The following ARHGEF38 variants were observed in gnomAD, a reference collection of about 807,000 sequenced individuals.
ARHGEF38 encodes Rho guanine nucleotide exchange factor 38.
In ARHGEF38, 79 loss-of-function variants were observed where a neutral mutation model predicts 79.9. The observed-to-expected ratio is 0.99, with a 90% CI of 0.82 to 1.19. The LOEUF is 1.19. Among genes scored for constraint, ARHGEF38 ranks in the 50% most tolerant of loss-of-function variants. The pLI, the probability that ARHGEF38 is intolerant of heterozygous loss-of-function variation, is 0.00. For missense variants in ARHGEF38, 962 were observed against 907.2 expected, an observed-to-expected ratio of 1.06 and a Z score of -0.78; for synonymous variants, 366 against 328.3, an observed-to-expected ratio of 1.11 and a Z score of -1.24.
chr4:105,650,049 C>T (rs1485032602), intron 7 of ARHGEF38, among the ~76,000 whole-genome samples: 3 of 152,202 alleles, frequency 2.0e-5, no homozygotes, highest in African/African-American at 7.2e-5. Flanking sequence ...AAACACCTAA[C>T]ATAGTGTGTA....
In ARHGEF38 at chr4:105,588,355, G is replaced by C. The variant is rs192649918; in HGVS notation, c.197-893G>C. On this transcript the variant is annotated intron_variant, in intron 1 of 13. Coordinates refer to ENST00000420470, the MANE Select transcript of ARHGEF38 (RefSeq NM_001242729.2). ...CTGCAGAGACTAAGATGAAAATTAA[G>C]CTTCAAGCTTGAAGCAAATCCATTT... Among the ~76,000 whole-genome samples the C allele has an allele frequency of 9.2e-5, 14 of 152,304 alleles. No individual in the cohort carries two copies. In the East Asian group the frequency reaches 2.7e-3, roughly 29 times the overall value.
intron 1 of ARHGEF38, among the ~76,000 whole-genome samples, chr4:105,576,497 A>C (rs1270246163): frequency 6.6e-6 from 1 of 151,000 alleles, no homozygotes; most frequent in Non-Finnish European, 1.5e-5. Flanking sequence ...AGCAAGCAGC[A>C]CTGCTGATTT....
At chr4:105,649,448 A>G (rs1193524903) in intron 7 of ARHGEF38, among the ~76,000 whole-genome samples, 1 of 152,232 alleles carries the variant, frequency 6.6e-6, no homozygotes, top group Non-Finnish European at 1.5e-5. Context: ...CAATGATTTT[A>G]AAGTAAGTTA....
intron 2 of ARHGEF38, among the ~76,000 whole-genome samples, chr4:105,598,626 A>G (rs1275984398): frequency 6.6e-6 from 1 of 152,162 alleles, no homozygotes; most frequent in Non-Finnish European, 1.5e-5. Context: ...AGAATAAGAT[A>G]CATTACAACA....
At chr4:105,644,172 A>T (rs1209216663) in intron 5 of ARHGEF38, among the ~76,000 whole-genome samples, 1 of 151,726 alleles carries the variant, frequency 6.6e-6, no homozygotes, top group East Asian at 1.9e-4. Flanking sequence ...CTGGCCCCCG[A>T]CCCTTTCTAA....
chr4:105,579,166 T>C (rs1726654344), intron 1 of ARHGEF38, among the ~76,000 whole-genome samples: 1 of 152,228 alleles, frequency 6.6e-6, no homozygotes, highest in Non-Finnish European at 1.5e-5. Flanking sequence ...GTTTCCTAGA[T>C]ATGGAATTAT....
chr4:105,572,827 A>G (rs762418936), intron 1 of ARHGEF38, among the ~76,000 whole-genome samples: 10 of 152,178 alleles, frequency 6.6e-5, no homozygotes, highest in Non-Finnish European at 1.3e-4. Context: ...TTAGCTATTG[A>G]GAATAATGCA....
chr4:105,656,530 A>G (rs1443858356), intron 9 of ARHGEF38, among the ~76,000 whole-genome samples: 1 of 152,192 alleles, frequency 6.6e-6, no homozygotes, highest in Non-Finnish European at 1.5e-5. Flanking sequence ...AACATGCTTG[A>G]GCCAATAACA....
At chr4:105,639,600 GTTAA>G (rs1729538528) in intron 5 of ARHGEF38, among the ~76,000 whole-genome samples, 1 of 151,870 alleles carries the variant, frequency 6.6e-6, no homozygotes. Context: ...TTTATGGCTA[GTTAA>G]TTCTCATAAC....
At chr4:105,673,106 A>G (rs1731008859) in intron 13 of ARHGEF38, among the ~76,000 whole-genome samples, 1 of 152,198 alleles carries the variant, frequency 6.6e-6, no homozygotes, top group Non-Finnish European at 1.5e-5. Flanking sequence ...GCACCTCTGC[A>G]GAATCTCTTT....
At position 105,680,014 on chromosome 4, in the gene ARHGEF38, G is replaced by A. The variant is rs1219828752; in HGVS notation, c.*2077G>A. ...TGCATTCTGTTTTGTGCGGATTCAT[G>A]GCCATGTCAGTTACATTCTTCTTCG... On this transcript the variant is annotated 3_prime_UTR_variant, in exon 14 of 14. Coordinates refer to ENST00000420470, the MANE Select transcript of ARHGEF38 (RefSeq NM_001242729.2). 2.0e-6 allele frequency: 2 copies of A among 1,014,844 alleles called. No individual in the cohort carries two copies. Among genetic ancestry groups the A allele is most frequent in the Non-Finnish European group, 3.1e-6 (2 of 638,682 alleles). 62.9% of individuals were successfully genotyped at this position (1,014,844 alleles called of 1,614,324 possible).
chr4:105,587,129 G>T (rs915106630), intron 1 of ARHGEF38, among the ~76,000 whole-genome samples: 2 of 152,136 alleles, frequency 1.3e-5, no homozygotes, highest in African/African-American at 2.4e-5. Flanking sequence ...GAGGCAGGCT[G>T]CTTCTACTTT....
chr4:105,639,829 T>A (rs1021695049), intron 5 of ARHGEF38, among the ~76,000 whole-genome samples: 1 of 152,092 alleles, frequency 6.6e-6, no homozygotes, highest in African/African-American at 2.4e-5. Context: ...GTACTTTTCT[T>A]TTACAATTTT....
In ARHGEF38 at chr4:105,678,184, T is replaced by C; in HGVS notation, c.*247T>C. ...AAGCAAATGACCCAAGCTTCAACTA[T>C]CAACTATTTAAAAGTGAAGATCTTT... On this transcript the variant is annotated 3_prime_UTR_variant, in exon 14 of 14. Transcript: ENST00000420470. The C allele has an allele frequency of 3.0e-6, 1 of 332,852 alleles. No homozygotes were observed. The highest frequency in any genetic ancestry group is 4.7e-5 in the East Asian group (1 of 21,468). The allele number at this position is 332,852 out of a possible 1,614,324, so 20.6% of individuals were successfully genotyped here.
intron 3 of ARHGEF38, among the ~76,000 whole-genome samples, chr4:105,625,850 G>A (rs1163184890): frequency 2.0e-5 from 3 of 152,106 alleles, no homozygotes; most frequent in African/African-American, 7.2e-5. Flanking sequence ...AGTCAATCTT[G>A]GCAGTATTTC....
chr4:105,584,443 G>A lies in ARHGEF38; in HGVS notation c.197-4805G>A, dbSNP rs907600107. On this transcript the variant is annotated intron_variant, in intron 1 of 13. Coordinates refer to ENST00000420470, the MANE Select transcript of ARHGEF38 (RefSeq NM_001242729.2). ...ACAGACATTAACTAATTTAATCTTC[G>A]AAATCACTTTATAAGGCTTTACTAA... Among the ~76,000 whole-genome samples the A allele has an allele frequency of 2.6e-4, 40 of 152,104 alleles. 1 individual carries two copies. Among genetic ancestry groups the A allele is most frequent in the Admixed American group, 1.3e-3 (20 of 15,282 alleles).
chr4:105,615,755 A>C (rs1025979991), intron 3 of ARHGEF38, among the ~76,000 whole-genome samples: 7 of 152,214 alleles, frequency 4.6e-5, no homozygotes, highest in Non-Finnish European at 1.0e-4. Context: ...TCACTGTAAC[A>C]CATGGTAAAC....
At chr4:105,554,847 A>T (rs949013918) in intron 1 of ARHGEF38, among the ~76,000 whole-genome samples, 1 of 152,158 alleles carries the variant, frequency 6.6e-6, no homozygotes, top group African/African-American at 2.4e-5. Context: ...CGAAGTTTGT[A>T]TACCTTATTT....
intron 1 of ARHGEF38, among the ~76,000 whole-genome samples, chr4:105,559,440 GT>G (rs1222274657): frequency 1.3e-5 from 2 of 152,110 alleles, no homozygotes; most frequent in Non-Finnish European, 2.9e-5. Context: ...TTCAGATCAT[GT>G]CTACCAGGTT....
Sources: gnomAD v4.1 joint callset for allele counts (sites outside exome capture counted in the v4.1 genomes callset) on GRCh38, gnomAD v4.1.1 for gene constraint, MANE v1.5 for transcripts, NCBI Gene and HGNC (gene_info 2026-07-23, HGNC 2026-07-21) for gene names.